Variants in CEP83 observed in about 807,000 individuals in gnomAD.
CEP83 encodes the protein centrosomal protein of 83 kDa.
A neutral mutation model predicts 101.9 loss-of-function variants in CEP83; 70 were observed. The ratio of observed to expected loss-of-function variants is 0.69; its 90% CI spans 0.57 to 0.84. The LOEUF is 0.84. Ranked by LOEUF, CEP83 falls within the 40% of genes least tolerant of loss-of-function variation. The pLI is 0.00. For synonymous variants in CEP83, 264 were observed against 267.9 expected (o/e 0.99, Z 0.14); for missense variants, 715 against 787.2 (o/e 0.91, Z 1.10).
chr12:94,315,814 C>T (rs1970595273), intron 14 of CEP83, among the ~76,000 whole-genome samples: 1 of 152,012 alleles, frequency 6.6e-6, no homozygotes, highest in Non-Finnish European at 1.5e-5. Context: ...TATCGAAATG[C>T]AGTGGTACCT....
intron 11 of CEP83, among the ~76,000 whole-genome samples, chr12:94,356,517 A>C (rs1054594479): frequency 1.3e-5 from 2 of 152,204 alleles, no homozygotes; most frequent in Non-Finnish European, 2.9e-5. Flanking sequence ...TAGTTCTATT[A>C]GGCAGGAATT....
At chr12:94,299,041 C>CTA in the CEP83 span, among the ~76,000 whole-genome samples, 1 of 152,208 alleles carries the variant, frequency 6.6e-6, no homozygotes, top group African/African-American at 2.4e-5. Flanking sequence ...GATACTTTGT[C>CTA]TAGAATGTTA....
the CEP83 span, chr12:94,278,083 C>CGA: frequency 2.2e-6 from 1 of 455,874 alleles, no homozygotes; most frequent in Non-Finnish European, 4.4e-6. Flanking sequence ...TCTGTATGGG[C>CGA]GAGCATCTTC....
chr12:94,349,746 C>T (rs1311607140), intron 11 of CEP83, among the ~76,000 whole-genome samples: 1 of 152,172 alleles, frequency 6.6e-6, no homozygotes, highest in East Asian at 1.9e-4. Flanking sequence ...TTCCATTTGA[C>T]ATGAAACTGG....
At chr12:94,433,123 G>T (rs1159429520) in intron 2 of CEP83, among the ~76,000 whole-genome samples, 1 of 152,146 alleles carries the variant, frequency 6.6e-6, no homozygotes, top group Non-Finnish European at 1.5e-5. Flanking sequence ...GTAAGGTAGG[G>T]CCTAGAAGGC....
chr12:94,271,638 G>A, the CEP83 span, among the ~76,000 whole-genome samples: 1 of 152,224 alleles, frequency 6.6e-6, no homozygotes, highest in Non-Finnish European at 1.5e-5. Flanking sequence ...TCTGTAAACA[G>A]GCAATGACCA....
chr12:94,414,838 T>C (rs940075558), intron 2 of CEP83, among the ~76,000 whole-genome samples: 7 of 152,200 alleles, frequency 4.6e-5, no homozygotes, highest in Admixed American at 4.6e-4. Context: ...TTATAAAATG[T>C]GTCTTTATAA....
chr12:94,287,399 CTG>C, the CEP83 span, among the ~76,000 whole-genome samples: 1 of 152,208 alleles, frequency 6.6e-6, no homozygotes, highest in Admixed American at 6.5e-5. Flanking sequence ...TCCCCTAGGA[CTG>C]TGGCAGGGTG....
intron 6 of CEP83, among the ~76,000 whole-genome samples, chr12:94,394,643 A>T (rs1238175081): frequency 1.3e-5 from 2 of 152,246 alleles, no homozygotes; most frequent in Non-Finnish European, 2.9e-5. Context: ...ATTTAACTAA[A>T]GAGCTTCTGC....
Position 94,424,468 on chromosome 12 carries a change from A to G in CEP83, c.-102+10807T>C. Reference sequence around the variant, plus strand: ...CTCTGCTGGTCCCACTGGTATCTCGAAGGATACGGGTGGAGATAACCTGGC... The same window carrying G: ...CTCTGCTGGTCCCACTGGTATCTCGGAGGATACGGGTGGAGATAACCTGGC... On this transcript the variant is annotated intron_variant, in intron 2 of 16. Coordinates refer to ENST00000397809, the MANE Select transcript of CEP83 (RefSeq NM_016122.3). 4 of 1,613,968 alleles carry G rather than the reference A, an allele frequency of 2.5e-6. No individual in the cohort carries two copies. In the South Asian group the frequency reaches 4.4e-5, roughly 18 times the overall value.
chr12:94,441,636 C>G (rs1272351879), intron 1 of CEP83, among the ~76,000 whole-genome samples: 2 of 152,176 alleles, frequency 1.3e-5, no homozygotes, highest in African/African-American at 4.8e-5. Context: ...GAAAAGTAGG[C>G]TGGGCGTTGT....
downstream of CEP83, chr12:94,303,710 TTTA>T (rs775267831): frequency 5.9e-6 from 7 of 1,184,434 alleles, no homozygotes; most frequent in East Asian, 3.0e-5. Context: ...TTTTTTTTTT[TTTA>T]CTCTTTTGGT....
At chr12:94,342,870 T>C (rs1320944762) in intron 11 of CEP83, among the ~76,000 whole-genome samples, 1 of 152,048 alleles carries the variant, frequency 6.6e-6, no homozygotes, top group Non-Finnish European at 1.5e-5. Flanking sequence ...ATTTATATTC[T>C]GTACCAAATA....
At chr12:94,453,649 A>G (rs2067419191) in intron 1 of CEP83, among the ~76,000 whole-genome samples, 1 of 152,218 alleles carries the variant, frequency 6.6e-6, no homozygotes, top group Non-Finnish European at 1.5e-5. Flanking sequence ...ACCCATATAT[A>G]AGAGAAATAA....
At chr12:94,378,715 T>C (rs1257487052) in intron 7 of CEP83, 76 bp downstream of exon 7, 2 of 1,497,624 alleles carry the variant, frequency 1.3e-6, no homozygotes, top group East Asian at 2.3e-5. Flanking sequence ...ACATTTATGC[T>C]CTAAAAATCA....
At chr12:94,446,817 T>C (rs1002384794) in intron 1 of CEP83, among the ~76,000 whole-genome samples, 3 of 152,174 alleles carry the variant, frequency 2.0e-5, no homozygotes. Flanking sequence ...AAAAGAAGTT[T>C]TGAAGAAATA....
chr12:94,446,176 T>C (rs1316860432), intron 1 of CEP83, among the ~76,000 whole-genome samples: 1 of 152,228 alleles, frequency 6.6e-6, no homozygotes, highest in Non-Finnish European at 1.5e-5. Flanking sequence ...CACCAAAAAT[T>C]AGGTAAGTAA....
chr12:94,348,781 G>C (rs1482759631), intron 11 of CEP83, among the ~76,000 whole-genome samples: 4 of 152,180 alleles, frequency 2.6e-5, no homozygotes, highest in Non-Finnish European at 5.9e-5. Context: ...CTGATCAACA[G>C]AAAGGGTCCA....
chr12:94,431,890 C>A (rs530241915), intron 2 of CEP83, among the ~76,000 whole-genome samples: 1 of 152,116 alleles, frequency 6.6e-6, no homozygotes, highest in African/African-American at 2.4e-5. Flanking sequence ...TCTCAAAAAA[C>A]TAAAAATAGA....
Sources: gnomAD v4.1 joint callset for allele counts (sites outside exome capture counted in the v4.1 genomes callset) on GRCh38, gnomAD v4.1.1 for gene constraint, MANE v1.5 for transcripts, NCBI Gene and HGNC (gene_info 2026-07-23, HGNC 2026-07-21) for gene names.